The following ACP3 variants were observed in gnomAD, a reference collection of about 807,000 sequenced individuals.
ACP3 encodes the protein acid phosphatase 3.
Under a neutral mutation model 45.6 loss-of-function variants are expected in ACP3, and 38 were observed. That is an observed-to-expected ratio of 0.83 (90% CI 0.64 to 1.09). The LOEUF (loss-of-function observed/expected upper bound fraction) is 1.09, where lower values mean the gene tolerates loss of function less well. Among genes scored for constraint, ACP3 ranks in the 50% least tolerant of loss-of-function variants. The pLI, the probability that ACP3 is intolerant of heterozygous loss-of-function variation, is 0.00. For synonymous variants in ACP3, 162 were observed against 164.7 expected, an observed-to-expected ratio of 0.98 and a Z score of 0.13; for missense variants, 466 against 463.2, an observed-to-expected ratio of 1.01 and a Z score of -0.05.
intron 1 of ACP3, among the ~76,000 whole-genome samples, chr3:132,320,803 ACCATGCC>A: frequency 6.6e-6 from 1 of 152,076 alleles, no homozygotes; most frequent in Middle Eastern, 3.4e-3. Flanking sequence ...GGCGTGTGCC[ACCATGCC>A]TGGCTAGTTT....
intron 1 of ACP3, among the ~76,000 whole-genome samples, chr3:132,327,335 G>A (rs995084847): frequency 6.6e-6 from 1 of 151,952 alleles, no homozygotes; most frequent in Non-Finnish European, 1.5e-5. Flanking sequence ...CCAACATGGT[G>A]AAACCCCATC....
intron 5 of ACP3, among the ~76,000 whole-genome samples, chr3:132,340,112 G>A (rs1192686804): frequency 6.6e-6 from 1 of 152,084 alleles, no homozygotes; most frequent in African/African-American, 2.4e-5. Context: ...TCAGGAGTTT[G>A]AGACCAGCCT....
chr3:132,341,628 T>G (rs1286645017), intron 5 of ACP3, among the ~76,000 whole-genome samples: 1 of 152,238 alleles, frequency 6.6e-6, no homozygotes, highest in Non-Finnish European at 1.5e-5. Context: ...AAGAAGTTTT[T>G]GAAAGTTTTC....
downstream of ACP3, among the ~76,000 whole-genome samples, chr3:132,363,060 A>G (rs1480854132): frequency 2.0e-5 from 3 of 152,266 alleles, no homozygotes; most frequent in Middle Eastern, 3.4e-3. Flanking sequence ...GAAATATTTT[A>G]CAGTACAAAG....
Position 132,331,652 on chromosome 3 carries a change from C to A in ACP3, c.222C>A (p.Gly74=). 1 of 1,591,172 alleles carries A rather than the reference C, an allele frequency of 6.3e-7. No individual in the cohort carries two copies. The highest frequency in any genetic ancestry group is 8.5e-7 in the Non-Finnish European group (1 of 1,173,384). Residue 74 remains glycine, a synonymous_variant, in exon 3 of 10, where the codon GGC becomes GGA. Coordinates refer to ENST00000336375, the MANE Select transcript of ACP3 (RefSeq NM_001099.5). The part of the protein sequence containing the change: ...PQGFGQLTQL[G]MEQHYELGEY... ...CTTTTATTTTTTTCCCATAGCTGGGCATGGAGCAGCATTATGAACTTGGAG... is the reference window on the plus strand; with the variant it reads ...CTTTTATTTTTTTCCCATAGCTGGGAATGGAGCAGCATTATGAACTTGGAG...
chr3:132,354,915 T>C (rs1056967146), intron 9 of ACP3, among the ~76,000 whole-genome samples: 4 of 152,254 alleles, frequency 2.6e-5, no homozygotes, highest in African/African-American at 9.6e-5. Context: ...TTGAGTCTTT[T>C]AAAATTGTTT....
At chr3:132,342,282 G>A (rs570538296) in intron 5 of ACP3, among the ~76,000 whole-genome samples, 1 of 152,248 alleles carries the variant, frequency 6.6e-6, no homozygotes, top group Non-Finnish European at 1.5e-5. Context: ...AATATTACTG[G>A]TGCATTTTTC....
At chr3:132,328,996 G>A (rs1443789542) in intron 2 of ACP3, among the ~76,000 whole-genome samples, 1 of 152,194 alleles carries the variant, frequency 6.6e-6, no homozygotes, top group Non-Finnish European at 1.5e-5. Context: ...GATATATTGG[G>A]ATTTGACCTT....
At chr3:132,331,798 T>C (rs1559831301) in intron 3 of ACP3, 65 bp downstream of exon 3, 71 of 1,345,478 alleles carry the variant, frequency 5.3e-5, no homozygotes, top group Non-Finnish European at 7.2e-5. Context: ...TCTGCATATA[T>C]AAAAGTGCTT....
At chr3:132,362,143 T>C (rs1254435180), downstream of ACP3, among the ~76,000 whole-genome samples, 1 of 152,198 alleles carries the variant, frequency 6.6e-6, no homozygotes, top group African/African-American at 2.4e-5. Flanking sequence ...ACTTCTCTTT[T>C]GAAAGCCATC....
chr3:132,320,608 T>C (rs866553551), intron 1 of ACP3, among the ~76,000 whole-genome samples: 61 of 152,182 alleles, frequency 4.0e-4, no homozygotes, highest in Middle Eastern at 6.8e-3. Flanking sequence ...CATGGTTGAC[T>C]TTCTTCATGC....
At position 132,342,568 on chromosome 3, in the gene ACP3, T is replaced by C; in HGVS notation, c.572T>C (p.Leu191Ser). ...LHPYKDFIAT[L>S]GKLSGLHGQD... ...GTGTTTCAGGATTTTATAGCTACCT[T>C]GGGAAAACTTTCAGGATTACATGGC... The change falls in exon 6 of 10, where the codon TTG (leucine) becomes TCG (serine). Residue 191 changes from leucine to serine, a missense_variant. By Grantham distance (145) the Leu-to-Ser change is moderately radical (BLOSUM62 -2). Coordinates refer to ENST00000336375, the MANE Select transcript of ACP3 (RefSeq NM_001099.5). 1.9e-6 allele frequency: 3 copies of C among 1,612,656 alleles called. No individual in the cohort carries two copies. The highest frequency in any genetic ancestry group is 2.2e-5 in the South Asian group (2 of 90,878).
downstream of ACP3, among the ~76,000 whole-genome samples, chr3:132,360,253 G>C (rs1469767058): frequency 1.3e-5 from 2 of 149,190 alleles, no homozygotes; most frequent in Non-Finnish European, 1.5e-5. Context: ...GCAAATAAAA[G>C]TACAGGATGC....
chr3:132,332,913 A>G (rs1052402059), intron 4 of ACP3, among the ~76,000 whole-genome samples: 12 of 152,226 alleles, frequency 7.9e-5, no homozygotes, highest in African/African-American at 2.9e-4. Flanking sequence ...TGGAGAGGTT[A>G]AATAACAAAC....
intron 10 of ACP3, among the ~76,000 whole-genome samples, chr3:132,364,682 C>T (rs1164544387): frequency 6.6e-6 from 1 of 152,168 alleles, no homozygotes; most frequent in East Asian, 1.9e-4. Context: ...ACATTGAGCT[C>T]CTCGAGGGCA....
intron 1 of ACP3, among the ~76,000 whole-genome samples, chr3:132,322,342 G>A (rs1278304271): frequency 1.3e-5 from 2 of 152,096 alleles, no homozygotes; most frequent in Non-Finnish European, 2.9e-5. Context: ...AGGTCAGCCA[G>A]CTTTCCTTCT....
intron 7 of ACP3, among the ~76,000 whole-genome samples, chr3:132,346,555 T>C (rs1283305209): frequency 6.6e-6 from 1 of 152,172 alleles, no homozygotes; most frequent in African/African-American, 2.4e-5. Context: ...AGCTGGAGTG[T>C]TGGAAAAAAT....
intron 4 of ACP3, chr3:132,332,556 CA>C: frequency 3.5e-6 from 2 of 565,530 alleles, no homozygotes; most frequent in South Asian, 5.0e-5. Flanking sequence ...CTGTATGATC[CA>C]CTTTGTTTTG....
At chr3:132,317,723 G>A in intron 1 of ACP3, 147 bp downstream of exon 1, 1 of 953,442 alleles carries the variant, frequency 1.0e-6, no homozygotes, top group Non-Finnish European at 1.4e-6. Context: ...ATCAAGTTTT[G>A]CAAGTTCCTC....
Sources: gnomAD v4.1 joint callset for allele counts (sites outside exome capture counted in the v4.1 genomes callset) on GRCh38, gnomAD v4.1.1 for gene constraint, MANE v1.5 for transcripts, NCBI Gene and HGNC (gene_info 2026-07-23, HGNC 2026-07-21) for gene names.